METTL15: variants seen among roughly 807,000 people sequenced by gnomAD.
The protein encoded by METTL15 is 12S rRNA N(4)-cytidine methyltransferase METTL15.
Under a neutral mutation model 38.3 loss-of-function variants are expected in METTL15, and 34 were observed. The observed-to-expected ratio is 0.89, with a 90% CI of 0.68 to 1.18. The LOEUF is 1.18. Ranked by LOEUF, METTL15 falls within the 50% of genes most tolerant of loss-of-function variation. The pLI is 0.00. For synonymous variants in METTL15, 162 were observed against 170.9 expected (o/e 0.95, Z 0.41); for missense variants, 438 against 498.4 (o/e 0.88, Z 1.15).
intron 4 of METTL15, among the ~76,000 whole-genome samples, chr11:28,255,303 A>G (rs1357819383): frequency 6.6e-6 from 1 of 152,070 alleles, no homozygotes; most frequent in South Asian, 2.1e-4. Flanking sequence ...TGATTTTTGT[A>G]TGTTGATTTT....
chr11:28,379,008 A>T (rs1266028833), intron 5 of METTL15, among the ~76,000 whole-genome samples: 1 of 151,966 alleles, frequency 6.6e-6, no homozygotes, highest in African/African-American at 2.4e-5. Flanking sequence ...TTATTAGCAC[A>T]TAATTGTTCA....
At chr11:28,464,233 T>A (rs908827350) in intron 6 of METTL15, among the ~76,000 whole-genome samples, 2 of 152,150 alleles carry the variant, frequency 1.3e-5, no homozygotes, top group South Asian at 4.1e-4. Flanking sequence ...CTACCAATAA[T>A]GGTGAAAATA....
In METTL15 at chr11:28,168,847, G is replaced by A. The variant is rs1034118865; in HGVS notation, c.271-42215G>A. On this transcript the variant is annotated intron_variant, in intron 3 of 6. Coordinates refer to ENST00000407364, the MANE Select transcript of METTL15 (RefSeq NM_001113528.2). ...ATTGCAACAGATGAAACAGCCGGTG[G>A]GAAAATGCTGACACTGAAAACAGAG... Among the ~76,000 whole-genome samples, 23 of 152,042 alleles carry A rather than the reference G, an allele frequency of 1.5e-4. 1 individual carries two copies. The highest frequency in any genetic ancestry group is 5.1e-4 in the African/African-American group (21 of 41,408).
At chr11:28,487,117 A>G (rs1181703962) in intron 6 of METTL15, among the ~76,000 whole-genome samples, 1 of 152,192 alleles carries the variant, frequency 6.6e-6, no homozygotes, top group Non-Finnish European at 1.5e-5. Flanking sequence ...ATTTATTTGC[A>G]CAGCCTTTCT....
chr11:28,507,194 G>A (rs1851635333), intron 6 of METTL15, among the ~76,000 whole-genome samples: 1 of 152,180 alleles, frequency 6.6e-6, no homozygotes, highest in South Asian at 2.1e-4. Context: ...AAGCCTAATT[G>A]ATTCAAAGTC....
chr11:28,253,633 C>G (rs1053284837), intron 4 of METTL15, among the ~76,000 whole-genome samples: 1 of 148,420 alleles, frequency 6.7e-6, no homozygotes, highest in Non-Finnish European at 1.5e-5. Flanking sequence ...CCCTCCCTCC[C>G]CCCGCCAACT....
rs1318431690 is a variant in METTL15 at position 28,431,221 on chromosome 11, C to T, written c.*424+6857C>T. On this transcript the variant is annotated intron_variant and NMD_transcript_variant, in intron 6 of 7. Coordinates refer to the METTL15 transcript ENST00000532947. Reference sequence around the variant, plus strand: ...GAGGTGAGGGGCGCCTCTGCCCGGCCGCCCCTACTGGGAAGTGAGGAGCCC... The same window carrying T: ...GAGGTGAGGGGCGCCTCTGCCCGGCTGCCCCTACTGGGAAGTGAGGAGCCC... Among the ~76,000 whole-genome samples, 7 of 139,152 alleles carry T rather than the reference C, an allele frequency of 5.0e-5. 1 individual carries two copies. The highest frequency in any genetic ancestry group is 8.1e-5 in the Non-Finnish European group (5 of 62,064). The allele number at this position is 139,152 out of a possible 152,430, so 91.3% of individuals were successfully genotyped here.
intron 3 of METTL15, among the ~76,000 whole-genome samples, chr11:28,120,777 TC>T (rs1333166490): frequency 6.6e-6 from 1 of 152,220 alleles, no homozygotes; most frequent in African/African-American, 2.4e-5. Flanking sequence ...TATTTCAGTA[TC>T]TGGGTTTGTC....
At chr11:28,519,924 A>G (rs1380949381) in intron 6 of METTL15, among the ~76,000 whole-genome samples, 3 of 152,200 alleles carry the variant, frequency 2.0e-5, no homozygotes, top group East Asian at 3.9e-4. Flanking sequence ...TTGTTTGTCC[A>G]GGCATTTTCC....
chr11:28,526,422 G>T (rs1372904460), intron 6 of METTL15: 5 of 152,214 alleles, frequency 3.3e-5, no homozygotes, highest in African/African-American at 1.2e-4. Flanking sequence ...CTAATTTGTT[G>T]GCATACAATT....
intron 4 of METTL15, among the ~76,000 whole-genome samples, chr11:28,355,395 T>C (rs1482352337): frequency 6.6e-6 from 1 of 152,224 alleles, no homozygotes; most frequent in Non-Finnish European, 1.5e-5. Context: ...TAATAGTAGT[T>C]CTGCAAAGGC....
rs1005791695 is a variant in METTL15 at position 28,399,491 on chromosome 11, T to G, written c.*359-24808T>G. ...CTCATATTTGCATAAGGTGTGATCA[T>G]AAAGCAATGTGTCTAATTTTCAAGA... On this transcript the variant is annotated intron_variant and NMD_transcript_variant, in intron 5 of 7. Transcript: ENST00000532947. 2.6e-5 allele frequency among the ~76,000 whole-genome samples: 4 copies of G among 152,066 alleles called. No individual in the cohort carries two copies. In the Admixed American group the frequency reaches 2.6e-4, roughly 10 times the overall value.
At chr11:28,205,691 C>T (rs1274217470) in intron 3 of METTL15, among the ~76,000 whole-genome samples, 4 of 150,142 alleles carry the variant, frequency 2.7e-5, no homozygotes, top group African/African-American at 9.9e-5. Context: ...CACTGACTTC[C>T]ACAATGGTTG....
chr11:28,165,701 T>G (rs1850634800), intron 3 of METTL15, among the ~76,000 whole-genome samples: 1 of 126,372 alleles, frequency 7.9e-6, no homozygotes, highest in Admixed American at 8.9e-5. Flanking sequence ...TTGCCTATGC[T>G]TCAGGGTTGT....
chr11:28,479,080 TGTGTGTGTGTGTGTG>T (rs1294699177), intron 6 of METTL15, among the ~76,000 whole-genome samples: 13 of 151,904 alleles, frequency 8.6e-5, no homozygotes, highest in African/African-American at 3.1e-4. Context: ...TGTGTGTGTG[TGTGTGTGTGTGTGTG>T]TTTGCTTTTG....
intron 4 of METTL15, chr11:28,287,761 C>T (rs914812302): frequency 3.3e-5 from 5 of 152,630 alleles, no homozygotes; most frequent in South Asian, 2.1e-4. Flanking sequence ...AGCCAAACAA[C>T]CCTTTTTATC....
At chr11:28,279,498 C>G (rs74541288) in intron 4 of METTL15, among the ~76,000 whole-genome samples, 3,391 of 152,136 alleles carry the variant, frequency 0.022, 117 homozygotes, top group African/African-American at 0.076. Context: ...CCTTTATTGC[C>G]TTTTAAAAAT....
At chr11:28,306,695 T>G (rs916574377) in intron 6 of METTL15, among the ~76,000 whole-genome samples, 1 of 152,034 alleles carries the variant, frequency 6.6e-6, no homozygotes, top group Non-Finnish European at 1.5e-5. Flanking sequence ...GCTTTCATTT[T>G]TAAAGTTTAA....
chr11:28,272,877 G>C (rs1855701656), intron 4 of METTL15, among the ~76,000 whole-genome samples: 1 of 152,068 alleles, frequency 6.6e-6, no homozygotes, highest in African/African-American at 2.4e-5. Flanking sequence ...TTAATTCTTA[G>C]CTTTACCACT....
Sources: allele counts gnomAD v4.1 joint callset (sites outside exome capture counted in the v4.1 genomes callset), GRCh38; gene constraint gnomAD v4.1.1; transcripts MANE v1.5; gene names NCBI Gene and HGNC (gene_info 2026-07-23, HGNC 2026-07-21).